The following MAGI2 variants were observed in gnomAD, a reference collection of about 807,000 sequenced individuals.
MAGI2 encodes membrane-associated guanylate kinase, WW and PDZ domain-containing protein 2.
MAGI2 carries 35 observed loss-of-function variants against 133.3 expected under a neutral mutation model. The observed-to-expected ratio is 0.26, with a 90% CI of 0.20 to 0.35. MAGI2 has a LOEUF of 0.35. Among genes scored for constraint, MAGI2 ranks in the 10% least tolerant of loss-of-function variants. The pLI, the probability that MAGI2 is intolerant of heterozygous loss-of-function variation, is 1.00. For missense variants in MAGI2, 1,636 were observed against 1,863.4 expected, an observed-to-expected ratio of 0.88 and a Z score of 2.25; for synonymous variants, 729 against 710.6, an observed-to-expected ratio of 1.03 and a Z score of -0.41.
At chr7:79,267,788 G>C (rs1247851396) in intron 1 of MAGI2, among the ~76,000 whole-genome samples, 1 of 152,178 alleles carries the variant, frequency 6.6e-6, no homozygotes, top group Non-Finnish European at 1.5e-5. Flanking sequence ...TCAAAGAGGG[G>C]CTGGATGGCT....
intron 6 of MAGI2, among the ~76,000 whole-genome samples, chr7:78,417,159 A>G (rs1798377370): frequency 6.6e-6 from 1 of 152,198 alleles, no homozygotes. Context: ...AGGAAGGGCC[A>G]GAGTGAAGAT....
In MAGI2 at chr7:78,849,730, A is replaced by G. The variant is rs17151582; in HGVS notation, c.418+157360T>C. On this transcript the variant is annotated intron_variant, in intron 2 of 21. Transcript: ENST00000354212. ...ATGAAAGGAAACCTCTCTAAAGATG[A>G]CGTTTCTGACACTTAAGATTGATAT... Among the ~76,000 whole-genome samples the G allele has an allele frequency of 2.5e-3, 379 of 152,134 alleles. 1 individual carries two copies. The highest frequency in any genetic ancestry group is 7.5e-3 in the African/African-American group (312 of 41,536).
At chr7:79,073,453 G>T (rs1815179892) in intron 1 of MAGI2, among the ~76,000 whole-genome samples, 1 of 152,094 alleles carries the variant, frequency 6.6e-6, no homozygotes, top group African/African-American at 2.4e-5. Flanking sequence ...ATTTCAGTTT[G>T]GATAACGAGT....
chr7:78,566,058 A>G (rs1426363744), intron 3 of MAGI2, among the ~76,000 whole-genome samples: 1 of 152,180 alleles, frequency 6.6e-6, no homozygotes, highest in Non-Finnish European at 1.5e-5. Context: ...ATGAGCTGAC[A>G]TTTGGGTTGG....
At chr7:79,272,742 A>G (rs908784234) in intron 1 of MAGI2, among the ~76,000 whole-genome samples, 1 of 152,008 alleles carries the variant, frequency 6.6e-6, no homozygotes, top group African/African-American at 2.4e-5. Context: ...ATCTAATACC[A>G]TAGTACTCTA....
In MAGI2 at chr7:79,222,873, G is replaced by GT. The variant is rs573972004; in HGVS notation, c.302-215668dup. On this transcript the variant is annotated intron_variant, in intron 1 of 21. Transcript: ENST00000354212. ...ACATTATCTCATTTCTTTTCTTTTT[G>GT]TTTTTTTGTTTGTTTGTTTGTTTGT... Among the ~76,000 whole-genome samples the GT allele has an allele frequency of 3.8e-4, 58 of 151,816 alleles. No individual in the cohort carries two copies. The East Asian group carries it at 0.011, about 28-fold the overall frequency.
At chr7:78,237,581 T>C (rs550290195) in intron 10 of MAGI2, among the ~76,000 whole-genome samples, 48 of 152,318 alleles carry the variant, frequency 3.2e-4, no homozygotes, top group South Asian at 2.7e-3. Context: ...GCTCCTTCTA[T>C]TGAAACTTAC....
At chr7:78,458,059 A>G (rs1789508340) in intron 6 of MAGI2, among the ~76,000 whole-genome samples, 1 of 151,776 alleles carries the variant, frequency 6.6e-6, no homozygotes, top group African/African-American at 2.4e-5. Context: ...GCACTTTGGG[A>G]GGCTAAGGCG....
intron 6 of MAGI2, among the ~76,000 whole-genome samples, chr7:78,370,616 A>AC (rs200785847): frequency 6.6e-6 from 1 of 151,644 alleles, no homozygotes; most frequent in Non-Finnish European, 1.5e-5. Context: ...CCAACTCATA[A>AC]AAAAGTACTA....
chr7:78,135,892 C>T (rs963666160), intron 16 of MAGI2, among the ~76,000 whole-genome samples: 4 of 152,044 alleles, frequency 2.6e-5, no homozygotes, highest in Admixed American at 6.6e-5. Context: ...ATGTCTGATA[C>T]ATAATGCATT....
chr7:79,120,822 T>G (rs1310569604), intron 1 of MAGI2, among the ~76,000 whole-genome samples: 1 of 152,058 alleles, frequency 6.6e-6, no homozygotes, highest in Non-Finnish European at 1.5e-5. Context: ...ATGCCGCACT[T>G]TTCTCACCAA....
intron 1 of MAGI2, among the ~76,000 whole-genome samples, chr7:79,095,193 C>T (rs1229741319): frequency 6.6e-6 from 1 of 152,202 alleles, no homozygotes; most frequent in Non-Finnish European, 1.5e-5. Flanking sequence ...TCTGCAGCTT[C>T]CTTACCTCTC....
At chr7:79,030,628 C>T (rs186825780) in intron 1 of MAGI2, among the ~76,000 whole-genome samples, 1 of 152,252 alleles carries the variant, frequency 6.6e-6, no homozygotes, top group Admixed American at 6.5e-5. Context: ...GGTGGATGAA[C>T]ACAAAAGAAG....
intron 2 of MAGI2, among the ~76,000 whole-genome samples, chr7:78,665,622 T>C (rs868646625): frequency 5.5e-4 from 83 of 152,146 alleles, no homozygotes; most frequent in African/African-American, 1.7e-3. Flanking sequence ...ATGGAGAACA[T>C]AGTGGTTCTT....
intron 1 of MAGI2, among the ~76,000 whole-genome samples, chr7:79,145,175 A>G (rs942667342): frequency 2.6e-5 from 4 of 152,146 alleles, no homozygotes; most frequent in African/African-American, 9.7e-5. Flanking sequence ...CTGCCTCTGA[A>G]CATTGCTTGA....
chr7:79,148,954 G>C (rs970580456), intron 1 of MAGI2, among the ~76,000 whole-genome samples: 1 of 146,018 alleles, frequency 6.8e-6, no homozygotes, highest in African/African-American at 2.5e-5. Context: ...GAAATACCAT[G>C]TTTGCATTGC....
intron 2 of MAGI2, among the ~76,000 whole-genome samples, chr7:78,690,877 T>G (rs967681652): frequency 7.2e-5 from 11 of 152,162 alleles, no homozygotes; most frequent in African/African-American, 2.7e-4. Flanking sequence ...GGTATCAGAA[T>G]TCCTTCCCGA....
At chr7:79,336,127 C>T (rs903263854) in intron 1 of MAGI2, among the ~76,000 whole-genome samples, 3 of 152,076 alleles carry the variant, frequency 2.0e-5, no homozygotes, top group African/African-American at 4.8e-5. Context: ...TAGCTAACAA[C>T]TATTGAGCAT....
chr7:79,257,547 G>A (rs1456488566), intron 1 of MAGI2, among the ~76,000 whole-genome samples: 1 of 152,126 alleles, frequency 6.6e-6, no homozygotes, highest in East Asian at 1.9e-4. Context: ...CAACCTTAGT[G>A]TTCTGCGTTG....
Sources: allele counts gnomAD v4.1 joint callset (sites outside exome capture counted in the v4.1 genomes callset), GRCh38; gene constraint gnomAD v4.1.1; transcripts MANE v1.5; gene names NCBI Gene and HGNC (gene_info 2026-07-23, HGNC 2026-07-21).